ASTN1: variants seen among roughly 807,000 people sequenced by gnomAD.
The protein encoded by ASTN1 is astrotactin-1.
A neutral mutation model predicts 140.7 loss-of-function variants in ASTN1; 41 were observed. The ratio of observed to expected loss-of-function variants is 0.29; its 90% CI spans 0.23 to 0.38. The LOEUF (loss-of-function observed/expected upper bound fraction) is 0.38, where lower values mean the gene tolerates loss of function less well. ASTN1 is among the 10% of genes least tolerant of loss of function. The pLI, the probability that ASTN1 is intolerant of heterozygous loss-of-function variation, is 1.00. For missense variants in ASTN1, 1,479 were observed against 1,678.8 expected (o/e 0.88, Z 2.08); for synonymous variants, 640 against 652.2 (o/e 0.98, Z 0.29).
Position 177,017,072 on chromosome 1 carries a change from A to G in ASTN1, c.1439-2197T>C, listed in dbSNP as rs566241784. Among the ~76,000 whole-genome samples, 111 of 152,354 alleles carry G rather than the reference A, an allele frequency of 7.3e-4. 2 individuals carry two copies. The Middle Eastern group carries it at 0.014, about 19-fold the overall frequency. On this transcript the variant is annotated intron_variant, in intron 7 of 22. Transcript: ENST00000361833. ...GTTACCACAAAACATATAAAAATAAATGCAGTAACAACTCAAAGTTCAAGC... is the reference window on the plus strand; with the variant it reads ...GTTACCACAAAACATATAAAAATAAGTGCAGTAACAACTCAAAGTTCAAGC...
intron 5 of ASTN1, among the ~76,000 whole-genome samples, chr1:177,028,838 T>C (rs1200803493): frequency 6.6e-6 from 1 of 152,228 alleles, no homozygotes; most frequent in African/African-American, 2.4e-5. Flanking sequence ...ATTTGACATG[T>C]GAGTAAACTG....
At chr1:177,141,622 G>T (rs1682474727) in intron 1 of ASTN1, among the ~76,000 whole-genome samples, 2 of 152,134 alleles carry the variant, frequency 1.3e-5, no homozygotes. Context: ...CTGATATTTG[G>T]AGACATAAGT....
intron 1 of ASTN1, among the ~76,000 whole-genome samples, chr1:177,132,555 A>T (rs1681991229): frequency 6.6e-6 from 1 of 152,186 alleles, no homozygotes; most frequent in Non-Finnish European, 1.5e-5. Context: ...GCATTAGATA[A>T]TCATGTCAAT....
intron 8 of ASTN1, among the ~76,000 whole-genome samples, chr1:176,971,524 G>A (rs1673140536): frequency 6.6e-6 from 1 of 152,140 alleles, no homozygotes; most frequent in South Asian, 2.1e-4. Context: ...CATATCCCCT[G>A]TCCCTCAACT....
chr1:177,125,933 C>T (rs2102190997), intron 1 of ASTN1, among the ~76,000 whole-genome samples: 1 of 152,306 alleles, frequency 6.6e-6, no homozygotes, highest in Admixed American at 6.5e-5. Context: ...CAAATTAACT[C>T]TCCTTCAAGC....
At chr1:177,085,257 T>A (rs1362082363) in intron 1 of ASTN1, among the ~76,000 whole-genome samples, 1 of 152,124 alleles carries the variant, frequency 6.6e-6, no homozygotes, top group Admixed American at 6.5e-5. Flanking sequence ...TAAAACAAAG[T>A]AATTGGACTA....
At chr1:177,163,841 G>A (rs1436034147) in intron 1 of ASTN1, among the ~76,000 whole-genome samples, 1 of 152,176 alleles carries the variant, frequency 6.6e-6, no homozygotes, top group Non-Finnish European at 1.5e-5. Flanking sequence ...TGAGTGTTTG[G>A]AAGGGAGGGT....
rs113105585 is a variant in ASTN1, at chr1:177,117,883, A to C, written c.283+46511T>G. Among the ~76,000 whole-genome samples the C allele has an allele frequency of 2.2e-4, 33 of 152,340 alleles. 1 individual carries two copies. Among genetic ancestry groups the C allele is most frequent in the African/African-American group, 7.7e-4 (32 of 41,570 alleles). On this transcript the variant is annotated intron_variant, in intron 1 of 22. Transcript: ENST00000361833. ...CCTCTATAAAACTTTTCTGTCCTGC[A>C]AGCCCTGGATGCCCATCAAAATGAA...
chr1:177,059,089 T>C (rs1328820182), intron 2 of ASTN1, among the ~76,000 whole-genome samples: 1 of 152,158 alleles, frequency 6.6e-6, no homozygotes, highest in Non-Finnish European at 1.5e-5. Flanking sequence ...TTTTTGGAAA[T>C]CTCTATACAC....
chr1:177,097,640 A>T (rs1450777072), intron 1 of ASTN1, among the ~76,000 whole-genome samples: 1 of 152,202 alleles, frequency 6.6e-6, no homozygotes, highest in Non-Finnish European at 1.5e-5. Context: ...TTTGCTATTC[A>T]TAATAAGGTC....
chr1:176,928,410 G>A (rs988464781), intron 16 of ASTN1, among the ~76,000 whole-genome samples: 1 of 152,186 alleles, frequency 6.6e-6, no homozygotes, highest in Non-Finnish European at 1.5e-5. Flanking sequence ...ATACTGTCAA[G>A]TCTATTATTA....
chr1:177,039,813 T>A (rs930200790), intron 2 of ASTN1, among the ~76,000 whole-genome samples: 1 of 152,160 alleles, frequency 6.6e-6, no homozygotes. Context: ...ATTGGTAAAT[T>A]AAGGGTAGAT....
intron 1 of ASTN1, among the ~76,000 whole-genome samples, chr1:177,138,973 T>C (rs913462593): frequency 6.6e-6 from 1 of 152,178 alleles, no homozygotes; most frequent in African/African-American, 2.4e-5. Context: ...CCAAAGCCCA[T>C]GCTCTTTCCA....
At chr1:177,006,284 G>A (rs1674990072) in intron 8 of ASTN1, among the ~76,000 whole-genome samples, 1 of 152,076 alleles carries the variant, frequency 6.6e-6, no homozygotes, top group African/African-American at 2.4e-5. Context: ...GAATTGAGGT[G>A]GGGGTTAGTA....
rs751129996 is a variant in ASTN1, at chr1:176,934,249, C to T, written c.2574G>A (p.Gln858=). 1 of 1,613,928 alleles carries T rather than the reference C, an allele frequency of 6.2e-7. No individual in the cohort carries two copies. Among genetic ancestry groups the T allele is most frequent in the African/African-American group, 1.3e-5 (1 of 74,884 alleles). Residue 858 remains glutamine (Q), a synonymous_variant, in exon 16 of 23, where the codon CAG becomes CAA. Coordinates refer to ENST00000361833, the MANE Select transcript of ASTN1 (RefSeq NM_004319.3). Reference sequence around the variant, plus strand: ...ACTCCTCAAAGCCGTAGATAGCTTCCTGGATGTAATGGTTGCCGAACTGGT... The same window carrying T: ...ACTCCTCAAAGCCGTAGATAGCTTCTTGGATGTAATGGTTGCCGAACTGGT... The part of the protein sequence containing the change: ...LLDQFGNHYI[Q]EAIYGFEESC...
chr1:177,032,032 A>G (rs1044621989), intron 3 of ASTN1, among the ~76,000 whole-genome samples: 1 of 152,242 alleles, frequency 6.6e-6, no homozygotes, highest in African/African-American at 2.4e-5. Flanking sequence ...CAGGAGTCAT[A>G]GGAAAAAGCA....
downstream of ASTN1, chr1:176,857,640 AC>A (rs1667852313): frequency 1.6e-6 from 1 of 623,056 alleles, no homozygotes; most frequent in Admixed American, 2.7e-5. Flanking sequence ...CTGTCCCAAC[AC>A]GCTGGAAGCC....
intron 17 of ASTN1, among the ~76,000 whole-genome samples, chr1:176,890,342 G>A (rs538841431): frequency 6.6e-6 from 1 of 152,298 alleles, no homozygotes; most frequent in Non-Finnish European, 1.5e-5. Flanking sequence ...CTGAGGGCTG[G>A]ATCAAAAGTT....
intron 16 of ASTN1, among the ~76,000 whole-genome samples, chr1:176,923,282 G>C (rs1670815325): frequency 6.6e-6 from 1 of 152,160 alleles, no homozygotes; most frequent in Non-Finnish European, 1.5e-5. Context: ...ATTAGAACTA[G>C]AAGAAACTCT....
Sources: allele counts gnomAD v4.1 joint callset (sites outside exome capture counted in the v4.1 genomes callset), GRCh38; gene constraint gnomAD v4.1.1; transcripts MANE v1.5; gene names NCBI Gene and HGNC (gene_info 2026-07-23, HGNC 2026-07-21).